The following FAT3 variants were observed in gnomAD, a reference collection of about 807,000 sequenced individuals.
The protein encoded by FAT3 is FAT atypical cadherin 3.
FAT3 carries 95 observed loss-of-function variants against 310.2 expected under a neutral mutation model. The observed-to-expected ratio is 0.31, with a 90% confidence interval of 0.26 to 0.36. The LOEUF (loss-of-function observed/expected upper bound fraction) is 0.36, where lower values mean the gene tolerates loss of function less well. Among genes scored for constraint, FAT3 ranks in the 10% least tolerant of loss-of-function variants. The pLI, the probability that FAT3 is intolerant of heterozygous loss-of-function variation, is 1.00. For synonymous variants in FAT3, 2,314 were observed against 2,192.9 expected, an observed-to-expected ratio of 1.06 and a Z score of -1.54; for missense variants, 5,408 against 5,715.6, an observed-to-expected ratio of 0.95 and a Z score of 1.74.
rs139222292 is a variant in FAT3 at position 92,228,116 on chromosome 11, T to C, written c.-18+2942T>C. Reference sequence around the variant, plus strand: ...GTCCAGTTATAATGTCTTCATATCATCTGAATCACACAGAGAACTCCACAT... The same window carrying C: ...GTCCAGTTATAATGTCTTCATATCACCTGAATCACACAGAGAACTCCACAT... On this transcript the variant is annotated intron_variant, in intron 1 of 27. Coordinates refer to ENST00000525166, the MANE Select transcript of FAT3 (RefSeq NM_001367949.2). Among the ~76,000 whole-genome samples, 202 of 152,220 alleles carry C rather than the reference T, an allele frequency of 1.3e-3. 4 individuals carry two copies. In the East Asian group the frequency reaches 0.035, roughly 26 times the overall value.
At chr11:92,387,102 G>A (rs1345606765) in intron 2 of FAT3, among the ~76,000 whole-genome samples, 1 of 139,856 alleles carries the variant, frequency 7.2e-6, no homozygotes, top group Non-Finnish European at 1.6e-5. Context: ...GTGTGTGTGT[G>A]TGTGTGTGTA....
chr11:92,278,412 C>A (rs1946333195), intron 1 of FAT3, among the ~76,000 whole-genome samples: 1 of 151,944 alleles, frequency 6.6e-6, no homozygotes, highest in African/African-American at 2.4e-5. Flanking sequence ...ATAGGTAGGC[C>A]TGTGTTTGGA....
chr11:92,365,931 A>G (rs1371911318), intron 2 of FAT3, among the ~76,000 whole-genome samples: 2 of 152,222 alleles, frequency 1.3e-5, no homozygotes, highest in Admixed American at 6.5e-5. Flanking sequence ...TATACACTAT[A>G]CTTCTATAAA....
intron 2 of FAT3, among the ~76,000 whole-genome samples, chr11:92,360,052 T>C (rs377452198): frequency 0.031 from 4,730 of 151,988 alleles, 212 homozygotes; most frequent in African/African-American, 0.094. Context: ...GAGGAATCGC[T>C]ACACTGACTT....
intron 3 of FAT3, among the ~76,000 whole-genome samples, chr11:92,633,661 A>G (rs1272374581): frequency 6.6e-6 from 1 of 152,208 alleles, no homozygotes; most frequent in Non-Finnish European, 1.5e-5. Flanking sequence ...CGTGTCTACC[A>G]GGCTCTTGCT....
intron 3 of FAT3, among the ~76,000 whole-genome samples, chr11:92,667,944 C>T (rs1943009047): frequency 6.6e-6 from 1 of 152,202 alleles, no homozygotes. Context: ...GATGTGTGTG[C>T]TTTCCTTGTG....
intron 3 of FAT3, among the ~76,000 whole-genome samples, chr11:92,649,374 A>G (rs1192462902): frequency 6.6e-6 from 1 of 152,202 alleles, no homozygotes; most frequent in Admixed American, 6.5e-5. Flanking sequence ...ATCTGCAACT[A>G]TATCCCAGCT....
chr11:92,374,307 G>A (rs1055816282), intron 2 of FAT3, among the ~76,000 whole-genome samples: 1 of 152,064 alleles, frequency 6.6e-6, no homozygotes, highest in Non-Finnish European at 1.5e-5. Context: ...CACTTAAAAC[G>A]GTCTAACATA....
intron 3 of FAT3, among the ~76,000 whole-genome samples, chr11:92,568,501 A>G (rs927348090): frequency 3.3e-5 from 5 of 152,186 alleles, no homozygotes; most frequent in African/African-American, 9.7e-5. Flanking sequence ...TGGAAAGAAC[A>G]TGAAATTTGT....
chr11:92,525,048 A>G (rs1379474256), intron 3 of FAT3, 100 bp downstream of exon 3: 4 of 984,282 alleles, frequency 4.1e-6, no homozygotes, highest in Admixed American at 5.2e-5. Flanking sequence ...TTTCTAAAGA[A>G]TAGCATCTTC....
chr11:92,414,956 G>A (rs1020241413), intron 2 of FAT3, among the ~76,000 whole-genome samples: 1 of 151,458 alleles, frequency 6.6e-6, no homozygotes, highest in Admixed American at 6.6e-5. Context: ...CTTGCAGTGA[G>A]CTGAGATCCT....
intron 1 of FAT3, among the ~76,000 whole-genome samples, chr11:92,229,235 A>AT (rs1864043880): frequency 6.6e-6 from 1 of 152,130 alleles, no homozygotes; most frequent in Admixed American, 6.5e-5. Context: ...TAACTGTTGA[A>AT]TATGTCATTT....
Position 92,883,485 on chromosome 11 carries a change from C to A in FAT3, c.12937+92C>A. On this transcript the variant is annotated intron_variant, in intron 24 of 27. Coordinates refer to ENST00000525166, the MANE Select transcript of FAT3 (RefSeq NM_001367949.2). This position sits in a 1 kb window ranked among gnomAD's most constrained non-coding sequence, Gnocchi z 4.2. ...GACGCTACGGGAAGGGAGAGAGACCCCGCATGCAGAGCATTCGCTATGACA... is the reference window on the plus strand; with the variant it reads ...GACGCTACGGGAAGGGAGAGAGACCACGCATGCAGAGCATTCGCTATGACA... 1 of 1,447,792 alleles carries A rather than the reference C, an allele frequency of 6.9e-7. No individual in the cohort carries two copies. 89.7% of individuals were successfully genotyped at this position (1,447,792 alleles called of 1,614,324 possible).
At chr11:92,569,854 C>G (rs1055472799) in intron 3 of FAT3, among the ~76,000 whole-genome samples, 1 of 152,160 alleles carries the variant, frequency 6.6e-6, no homozygotes, top group Non-Finnish European at 1.5e-5. Context: ...AGTGGCTCAT[C>G]TCAGTAATTG....
intron 13 of FAT3, among the ~76,000 whole-genome samples, chr11:92,825,602 C>G (rs528447296): frequency 6.6e-6 from 1 of 151,834 alleles, no homozygotes; most frequent in Non-Finnish European, 1.5e-5. Flanking sequence ...GTAGACAGTA[C>G]AGGATGGAAG....
At chr11:92,473,066 C>A (rs938090712) in intron 2 of FAT3, among the ~76,000 whole-genome samples, 3 of 152,146 alleles carry the variant, frequency 2.0e-5, no homozygotes, top group African/African-American at 7.2e-5. Flanking sequence ...TGGGAAAAGT[C>A]TCCACTGAGC....
At chr11:92,529,564 T>C (rs1219977156) in intron 3 of FAT3, among the ~76,000 whole-genome samples, 1 of 152,218 alleles carries the variant, frequency 6.6e-6, no homozygotes, top group Admixed American at 6.5e-5. Flanking sequence ...TTGTTTGTTT[T>C]TTCCAATCTT....
chr11:92,549,508 G>A (rs11019991), intron 3 of FAT3, among the ~76,000 whole-genome samples: 1,655 of 152,290 alleles, frequency 0.011, 33 homozygotes, highest in East Asian at 0.094. Flanking sequence ...GGATTATGCA[G>A]TGAGACTCAG....
At chr11:92,246,591 A>G (rs1226807336) in intron 1 of FAT3, among the ~76,000 whole-genome samples, 1 of 152,088 alleles carries the variant, frequency 6.6e-6, no homozygotes. Context: ...AGACTTTCCA[A>G]CTGATTAAGT....
Sources: allele counts gnomAD v4.1 joint callset (sites outside exome capture counted in the v4.1 genomes callset), GRCh38; gene constraint gnomAD v4.1.1; non-coding constraint Gnocchi (gnomAD v3.1); transcripts MANE v1.5; gene names NCBI Gene and HGNC (gene_info 2026-07-23, HGNC 2026-07-21).